The following FGF9 variants were observed in gnomAD, a reference collection of about 807,000 sequenced individuals.
FGF9 encodes the protein fibroblast growth factor 9, also known as fibroblast growth factor 9 (glia-activating factor).
A neutral mutation model predicts 19.9 loss-of-function variants in FGF9; 3 were observed. That is an observed-to-expected ratio of 0.15 (90% CI 0.07 to 0.39). FGF9 has a LOEUF of 0.39. FGF9 is among the 10% of genes least tolerant of loss of function. The pLI is 1.00. For synonymous variants in FGF9, 107 were observed against 106.9 expected (o/e 1.00, Z -0.01); for missense variants, 175 against 256.8 (o/e 0.68, Z 2.18).
intron 2 of FGF9, among the ~76,000 whole-genome samples, chr13:21,692,283 T>C (rs912866589): frequency 6.6e-6 from 1 of 152,158 alleles, no homozygotes; most frequent in Non-Finnish European, 1.5e-5. Flanking sequence ...CCCTTCCTTT[T>C]CCCCCCTTCT....
At chr13:21,685,212 G>A (rs565214130) in intron 2 of FGF9, among the ~76,000 whole-genome samples, 3 of 152,182 alleles carry the variant, frequency 2.0e-5, no homozygotes, top group East Asian at 1.9e-4. Context: ...TTTTCTAAAC[G>A]GTTAGAAACT....
At chr13:21,697,479 T>C (rs1052770395) in intron 2 of FGF9, among the ~76,000 whole-genome samples, 1 of 152,170 alleles carries the variant, frequency 6.6e-6, no homozygotes, top group African/African-American at 2.4e-5. Flanking sequence ...TAATTGGCTT[T>C]ATTTTCTGAG....
intron 1 of FGF9, among the ~76,000 whole-genome samples, chr13:21,678,216 G>A (rs749250291): frequency 5.9e-5 from 9 of 152,172 alleles, no homozygotes; most frequent in South Asian, 4.2e-4. Context: ...AAAAAGAAAC[G>A]AGATAGATAT....
At chr13:21,679,668 G>A (rs1199244001) in intron 1 of FGF9, among the ~76,000 whole-genome samples, 1 of 151,586 alleles carries the variant, frequency 6.6e-6, no homozygotes, top group East Asian at 1.9e-4. Context: ...GACAGGCGCG[G>A]TAGCTCACGC....
chr13:21,679,452 A>G (rs1003678229), intron 1 of FGF9, among the ~76,000 whole-genome samples: 8 of 152,310 alleles, frequency 5.3e-5, no homozygotes, highest in Admixed American at 4.6e-4. Context: ...TTTATTAGTC[A>G]CATGAGACTG....
chr13:21,677,298 C>T (rs1250168115), intron 1 of FGF9, among the ~76,000 whole-genome samples: 2 of 152,176 alleles, frequency 1.3e-5, no homozygotes, highest in African/African-American at 2.4e-5. Flanking sequence ...TCATCATTCC[C>T]TCCCTTCCTC....
intron 1 of FGF9, among the ~76,000 whole-genome samples, chr13:21,677,472 G>T (rs1871944496): frequency 6.6e-6 from 1 of 152,180 alleles, no homozygotes; most frequent in African/African-American, 2.4e-5. Context: ...TGTGGAGTGG[G>T]TTGTACTCAG....
rs145083416 is a variant in FGF9, at chr13:21,680,298, A to G, written c.278-744A>G. On this transcript the variant is annotated intron_variant, in intron 1 of 2. Coordinates refer to ENST00000382353, the MANE Select transcript of FGF9 (RefSeq NM_002010.3). ...AAACCAATACTTTGTTTAAGCAAAA[A>G]TAATTGGGATGTATGTGGGCAGTTT... Among the ~76,000 whole-genome samples, 332 of 152,334 alleles carry G rather than the reference A, an allele frequency of 2.2e-3. 2 individuals carry two copies. Among genetic ancestry groups the G allele is most frequent in the African/African-American group, 7.6e-3 (318 of 41,580 alleles).
At position 21,701,608 on chromosome 13, in the gene FGF9, A is replaced by T; in HGVS notation, c.*173A>T. The T allele has an allele frequency of 3.4e-6, 3 of 881,200 alleles. No homozygotes were observed. Among genetic ancestry groups the T allele is most frequent in the Non-Finnish European group, 5.3e-6 (3 of 570,926 alleles). 54.6% of individuals were successfully genotyped at this position (881,200 alleles called of 1,614,324 possible). A position where few individuals can be genotyped will look rare whatever the true frequency, so the allele number is the denominator to read the frequency against. On this transcript the variant is annotated 3_prime_UTR_variant, in exon 3 of 3. Coordinates refer to ENST00000382353, the MANE Select transcript of FGF9 (RefSeq NM_002010.3). ...TGGGAATATGCTGATTTTGTTCTGCACTTAAAGGCTTCTCCTCCTGGAGGG... is the reference window on the plus strand; with the variant it reads ...TGGGAATATGCTGATTTTGTTCTGCTCTTAAAGGCTTCTCCTCCTGGAGGG...
chr13:21,681,840 T>A (rs959254457), intron 2 of FGF9, among the ~76,000 whole-genome samples: 1 of 152,164 alleles, frequency 6.6e-6, no homozygotes, highest in African/African-American at 2.4e-5. Flanking sequence ...TGGTATCACT[T>A]TACTCCTATT....
intron 2 of FGF9, among the ~76,000 whole-genome samples, chr13:21,692,599 G>A (rs558473178): frequency 6.6e-6 from 1 of 152,310 alleles, no homozygotes; most frequent in Non-Finnish European, 1.5e-5. Flanking sequence ...TCATAGCTGG[G>A]CTGTGAGGAT....
At chr13:21,673,394 A>G (rs745463976) in intron 1 of FGF9, among the ~76,000 whole-genome samples, 4 of 152,270 alleles carry the variant, frequency 2.6e-5, no homozygotes, top group Middle Eastern at 3.4e-3. Context: ...GGATGGTCCC[A>G]GATCCACGAG....
rs1872546613 is a variant in FGF9 at position 21,701,686 on chromosome 13, G to C, written c.*251G>C. ...CATGAGAGAAGAGGAGAGAGAGAGAGACTGAGCGCTAGGAGTGTGTGTATG... is the reference window on the plus strand; with the variant it reads ...CATGAGAGAAGAGGAGAGAGAGAGACACTGAGCGCTAGGAGTGTGTGTATG... On this transcript the variant is annotated 3_prime_UTR_variant, in exon 3 of 3. Coordinates refer to ENST00000382353, the MANE Select transcript of FGF9 (RefSeq NM_002010.3). 8.0e-6 allele frequency: 4 copies of C among 501,704 alleles called. No individual in the cohort carries two copies. Among genetic ancestry groups the C allele is most frequent in the South Asian group, 2.0e-5 (1 of 49,802 alleles). 31.1% of individuals were successfully genotyped at this position (501,704 alleles called of 1,614,324 possible).
intron 2 of FGF9, among the ~76,000 whole-genome samples, chr13:21,695,207 T>C (rs758895025): frequency 1.5e-4 from 23 of 152,172 alleles, no homozygotes; most frequent in Admixed American, 5.9e-4. Flanking sequence ...TCTGTTTTCC[T>C]TTTCGTTTTT....
rs17070765 is a variant in FGF9, at chr13:21,703,525, T to C, written c.*2090T>C. On this transcript the variant is annotated 3_prime_UTR_variant, in exon 3 of 3. Coordinates refer to ENST00000382353, the MANE Select transcript of FGF9 (RefSeq NM_002010.3). Reference sequence around the variant, plus strand: ...TTTATTTTCTTGTTTTATTTTCCTTTCTAAACAGAAACTGCATTTAATTCC... The same window carrying C: ...TTTATTTTCTTGTTTTATTTTCCTTCCTAAACAGAAACTGCATTTAATTCC... The C allele has an allele frequency of 6.0e-4, 91 of 152,368 alleles. No homozygotes were observed. The highest frequency in any genetic ancestry group is 2.1e-3 in the African/African-American group (87 of 41,584). The allele number at this position is 152,368 out of a possible 1,614,324, so 9.4% of individuals were successfully genotyped here.
Position 21,671,641 on chromosome 13 carries a change from A to G in FGF9, c.-272A>G. On this transcript the variant is annotated 5_prime_UTR_variant, in exon 1 of 3. In the 5' UTR this introduces an upstream ATG that the reference lacks. Transcript: ENST00000382353. Reference sequence around the variant, plus strand: ...TGCTAAGAGCTGGGGATCTATCTATAGAGATACATAGATATGTTTATCAAT... The same window carrying G: ...TGCTAAGAGCTGGGGATCTATCTATGGAGATACATAGATATGTTTATCAAT... The G allele has an allele frequency of 1.7e-6, 1 of 598,904 alleles. No individual in the cohort carries two copies. The highest frequency in any genetic ancestry group is 3.0e-6 in the Non-Finnish European group (1 of 337,662). 37.1% of individuals were successfully genotyped at this position (598,904 alleles called of 1,614,324 possible). A position where few individuals can be genotyped will look rare whatever the true frequency, so the allele number is the denominator to read the frequency against.
At chr13:21,697,540 A>G (rs931179283) in intron 2 of FGF9, among the ~76,000 whole-genome samples, 2 of 152,220 alleles carry the variant, frequency 1.3e-5, no homozygotes, top group Non-Finnish European at 2.9e-5. Flanking sequence ...GAAATAGGGC[A>G]GTGTTAACTG....
Position 21,671,088 on chromosome 13 carries a change from G to A in FGF9, c.-825G>A, listed in dbSNP as rs910630936. Among the ~76,000 whole-genome samples, 3 of 152,238 alleles carry A rather than the reference G, an allele frequency of 2.0e-5. No individual in the cohort carries two copies. Among genetic ancestry groups the A allele is most frequent in the Admixed American group, 6.5e-5 (1 of 15,302 alleles). On this transcript the variant is annotated 5_prime_UTR_variant, in exon 1 of 3. Transcript: ENST00000382353. ...CGCTGCCTGCGCCACTCTGCGCGCCGGCGGGGGCTGCGCAGGAGGAGCGCT... is the reference window on the plus strand; with the variant it reads ...CGCTGCCTGCGCCACTCTGCGCGCCAGCGGGGGCTGCGCAGGAGGAGCGCT...
chr13:21,672,682 C>A lies in FGF9; in HGVS notation c.277+493C>A, dbSNP rs552612975. Reference sequence around the variant, plus strand: ...ATATTAAGTGCATTGTTTATTCTCCCCTGTGAGGGTCTGAAAGCCCCATAG... The same window carrying A: ...ATATTAAGTGCATTGTTTATTCTCCACTGTGAGGGTCTGAAAGCCCCATAG... On this transcript the variant is annotated intron_variant, in intron 1 of 2. Coordinates refer to ENST00000382353, the MANE Select transcript of FGF9 (RefSeq NM_002010.3). This position sits in a 1 kb window ranked among gnomAD's most constrained non-coding sequence, Gnocchi z 4.2. Among the ~76,000 whole-genome samples, 1 of 152,224 alleles carries A rather than the reference C, an allele frequency of 6.6e-6. No homozygotes were observed. The highest frequency in any genetic ancestry group is 2.1e-4 in the South Asian group (1 of 4,814).
Sources: allele counts gnomAD v4.1 joint callset (sites outside exome capture counted in the v4.1 genomes callset), GRCh38; gene constraint gnomAD v4.1.1; non-coding constraint Gnocchi (gnomAD v3.1); transcripts MANE v1.5; gene names NCBI Gene and HGNC (gene_info 2026-07-23, HGNC 2026-07-21).